The following LIN7A variants were observed in gnomAD, a reference collection of about 807,000 sequenced individuals.
The protein encoded by LIN7A is protein lin-7 homolog A.
Under a neutral mutation model 29.8 loss-of-function variants are expected in LIN7A, and 25 were observed. The observed-to-expected ratio is 0.84, with a 90% CI of 0.61 to 1.17. The LOEUF (loss-of-function observed/expected upper bound fraction) is 1.17. Ranked by LOEUF, LIN7A falls within the 50% of genes most tolerant of loss-of-function variation. LIN7A has a pLI of 0.00. For missense variants in LIN7A, 239 were observed against 287.0 expected (o/e 0.83, Z 1.21); for synonymous variants, 118 against 107.5 (o/e 1.10, Z -0.60).
At position 80,930,785 on chromosome 12, in the gene LIN7A, G is replaced by T. The variant is rs369506512; in HGVS notation, c.82+6856C>A. On this transcript the variant is annotated intron_variant, in intron 1 of 5. Coordinates refer to ENST00000552864, the MANE Select transcript of LIN7A (RefSeq NM_004664.4). ...CAGAGAGGCAAAGTGACATCCTAAG[G>T]TAGCCACTACTTTTCATTATTTTAG... Among the ~76,000 whole-genome samples the T allele has an allele frequency of 5.1e-4, 77 of 152,254 alleles. No individual in the cohort carries two copies. In the East Asian group the frequency reaches 0.014, roughly 29 times the overall value.
intron 2 of LIN7A, among the ~76,000 whole-genome samples, chr12:80,882,219 T>TTTTGGA (rs1387920973): frequency 6.6e-6 from 1 of 151,430 alleles, no homozygotes; most frequent in Non-Finnish European, 1.5e-5. Flanking sequence ...CTAAATATTC[T>TTTTGGA]TTTGGATTTT....
At chr12:80,838,194 G>A (rs1419162446) in intron 4 of LIN7A, among the ~76,000 whole-genome samples, 1 of 152,186 alleles carries the variant, frequency 6.6e-6, no homozygotes, top group African/African-American at 2.4e-5. Flanking sequence ...CCGACTGACT[G>A]TGAGTGTGTT....
intron 4 of LIN7A, among the ~76,000 whole-genome samples, chr12:80,817,091 G>A (rs1359944292): frequency 6.6e-6 from 1 of 152,140 alleles, no homozygotes; most frequent in Non-Finnish European, 1.5e-5. Flanking sequence ...AAACATGGCT[G>A]CATTCTGTTC....
Position 80,915,010 on chromosome 12 carries a change from T to G in LIN7A, c.82+22631A>C, listed in dbSNP as rs75836318. On this transcript the variant is annotated intron_variant, in intron 1 of 5. Transcript: ENST00000552864. ...ACAAAAATTGACAAGTGGAATCTAA[T>G]TAAACTCAAGAGCTTCTACACAGCA... Among the ~76,000 whole-genome samples the G allele has an allele frequency of 2.0e-5, 3 of 152,116 alleles. No individual in the cohort carries two copies. In the East Asian group the frequency reaches 5.8e-4, roughly 29 times the overall value.
intron 4 of LIN7A, among the ~76,000 whole-genome samples, chr12:80,845,413 G>A (rs1388322350): frequency 6.6e-6 from 1 of 152,002 alleles, no homozygotes; most frequent in Non-Finnish European, 1.5e-5. Flanking sequence ...AGTAACTTAG[G>A]ATAAAAAGTA....
At position 80,872,445 on chromosome 12, in the gene LIN7A, T is replaced by G. The variant is rs146838258; in HGVS notation, c.201+16806A>C. Among the ~76,000 whole-genome samples, 254 of 152,308 alleles carry G rather than the reference T, an allele frequency of 1.7e-3. 1 individual carries two copies. The highest frequency in any genetic ancestry group is 5.1e-3 in the African/African-American group (211 of 41,586). ...ATCAACAATGTGATTTGAATCACACTCATAATTACAAACTCCTCAACCATA... is the reference window on the plus strand; with the variant it reads ...ATCAACAATGTGATTTGAATCACACGCATAATTACAAACTCCTCAACCATA... On this transcript the variant is annotated intron_variant, in intron 2 of 5. Coordinates refer to ENST00000552864, the MANE Select transcript of LIN7A (RefSeq NM_004664.4).
At chr12:80,878,150 G>A (rs375200922) in intron 2 of LIN7A, among the ~76,000 whole-genome samples, 4 of 152,170 alleles carry the variant, frequency 2.6e-5, no homozygotes, top group African/African-American at 9.7e-5. Context: ...CATTATAGAT[G>A]ATTTTTAAGG....
At chr12:80,867,423 C>A (rs1468510887) in intron 2 of LIN7A, among the ~76,000 whole-genome samples, 1 of 152,166 alleles carries the variant, frequency 6.6e-6, no homozygotes, top group Admixed American at 6.5e-5. Flanking sequence ...GATAGAGTCA[C>A]CCCTTCCCTG....
intron 2 of LIN7A, among the ~76,000 whole-genome samples, chr12:80,866,786 T>C (rs926900825): frequency 6.6e-6 from 1 of 152,120 alleles, no homozygotes; most frequent in Non-Finnish European, 1.5e-5. Context: ...CAGAGACCAT[T>C]TTTTCATGAA....
chr12:80,860,710 A>C (rs939489940), intron 2 of LIN7A, among the ~76,000 whole-genome samples: 13 of 152,204 alleles, frequency 8.5e-5, no homozygotes, highest in African/African-American at 3.1e-4. Context: ...GAGTGAATAG[A>C]GAGCTGAAGT....
At chr12:80,841,347 GGAAGGAAGGAA>G (rs1565897668) in intron 4 of LIN7A, among the ~76,000 whole-genome samples, 4 of 1,522 alleles carry the variant, frequency 2.6e-3, no homozygotes, top group South Asian at 0.01. Context: ...AGGGAGGGAA[GGAAGGAAGGAA>G]GGAAGGAAGG....
chr12:80,817,265 G>A lies in LIN7A; in HGVS notation c.484-5582C>T, dbSNP rs189164912. On this transcript the variant is annotated intron_variant, in intron 4 of 5. Transcript: ENST00000552864. ...ACATACATGAATTTGCTCATGACAT[G>A]TGCTCTCTCTCTCCCGCTTCCATAG... is the stretch of plus-strand genomic sequence containing the variant. Among the ~76,000 whole-genome samples, 823 of 151,124 alleles carry A rather than the reference G, an allele frequency of 5.4e-3. 4 individuals are homozygous for A. Among genetic ancestry groups the A allele is most frequent in the African/African-American group, 0.015 (613 of 40,484 alleles).
intron 4 of LIN7A, chr12:80,832,483 C>T: frequency 2.1e-6 from 1 of 465,682 alleles, no homozygotes; most frequent in Non-Finnish European, 4.4e-6. Context: ...CTCCTCCACA[C>T]AGAACATTCA....
intron 4 of LIN7A, among the ~76,000 whole-genome samples, chr12:80,842,454 G>T (rs1872867981): frequency 6.6e-6 from 1 of 152,096 alleles, no homozygotes; most frequent in East Asian, 1.9e-4. Context: ...TACTAAAGTA[G>T]TTAAGGTTTG....
intron 4 of LIN7A, among the ~76,000 whole-genome samples, chr12:80,845,161 C>G (rs943806304): frequency 6.7e-6 from 1 of 149,878 alleles, no homozygotes; most frequent in Non-Finnish European, 1.5e-5. Context: ...GGTGTGAACC[C>G]GGGAGGCGGA....
At chr12:80,868,684 C>G (rs1380836757) in intron 2 of LIN7A, among the ~76,000 whole-genome samples, 1 of 152,154 alleles carries the variant, frequency 6.6e-6, no homozygotes, top group Admixed American at 6.6e-5. Context: ...TAATTCAGGT[C>G]AAAGTTTTCA....
At chr12:80,925,332 T>A (rs911348059) in intron 1 of LIN7A, among the ~76,000 whole-genome samples, 2 of 152,186 alleles carry the variant, frequency 1.3e-5, no homozygotes, top group African/African-American at 2.4e-5. Context: ...CAATTTTTAT[T>A]TGAACATCCA....
At chr12:80,815,058 C>G (rs560747515) in intron 4 of LIN7A, among the ~76,000 whole-genome samples, 5 of 152,170 alleles carry the variant, frequency 3.3e-5, no homozygotes, top group African/African-American at 1.2e-4. Context: ...ATTTCAAACA[C>G]TCCTCAACTT....
intron 4 of LIN7A, among the ~76,000 whole-genome samples, chr12:80,831,087 CT>C (rs548280389): frequency 1.2e-3 from 175 of 152,110 alleles, no homozygotes; most frequent in African/African-American, 3.7e-3. Context: ...TTTTTTGTCT[CT>C]TTTTTTTCAT....
Sources: gnomAD v4.1 joint callset for allele counts (sites outside exome capture counted in the v4.1 genomes callset) on GRCh38, gnomAD v4.1.1 for gene constraint, MANE v1.5 for transcripts, NCBI Gene and HGNC (gene_info 2026-07-23, HGNC 2026-07-21) for gene names.